RHOH: variants seen among roughly 807,000 people sequenced by gnomAD.
RHOH encodes the protein rho-related GTP-binding protein RhoH.
A neutral mutation model predicts 13.8 loss-of-function variants in RHOH; 6 were observed. That is an observed-to-expected ratio of 0.44 (90% CI 0.24 to 0.86). RHOH has a LOEUF of 0.86. Ranked by LOEUF, RHOH falls within the 40% of genes least tolerant of loss-of-function variation. RHOH has a pLI of 0.24. For missense variants in RHOH, 147 were observed against 244.5 expected (o/e 0.60, Z 2.66); for synonymous variants, 117 against 103.0 (o/e 1.14, Z -0.82).
At position 40,242,816 on chromosome 4, in the gene RHOH, CTT is replaced by C. The variant is rs1729410320; in HGVS notation, c.-227_-226del. The C allele has an allele frequency of 6.6e-6, 1 of 152,444 alleles. No individual in the cohort carries two copies. The highest frequency in any genetic ancestry group is 2.1e-4 in the South Asian group (1 of 4,838). The allele number at this position is 152,444 out of a possible 1,614,324, so 9.4% of individuals were successfully genotyped here. ...AAGCCGACAGAGAGCTGTTTGGAAACTTCTCCTTCACACACCAGGTTGCTACT... is the reference window on the plus strand; with the variant it reads ...AAGCCGACAGAGAGCTGTTTGGAAACCTCCTTCACACACCAGGTTGCTACT... On this transcript the variant is annotated 5_prime_UTR_variant, in exon 2 of 3. Transcript: ENST00000381799.
At chr4:40,239,571 G>A (rs1729000362) in intron 1 of RHOH, among the ~76,000 whole-genome samples, 1 of 152,128 alleles carries the variant, frequency 6.6e-6, no homozygotes, top group Non-Finnish European at 1.5e-5. Context: ...TTTATATTAT[G>A]CACCTGCTAA....
rs533785663 is a variant in RHOH, at chr4:40,232,975, G to A, written c.-330-9739G>A. Reference sequence around the variant, plus strand: ...ATGCTCCCTCTCCTGTGTGTCTGTAGTACTGGTTCATATCATCATCATCAT... The same window carrying A: ...ATGCTCCCTCTCCTGTGTGTCTGTAATACTGGTTCATATCATCATCATCAT... On this transcript the variant is annotated intron_variant, in intron 1 of 2. Coordinates refer to ENST00000381799, the MANE Select transcript of RHOH (RefSeq NM_004310.5). Among the ~76,000 whole-genome samples the A allele has an allele frequency of 2.6e-5, 4 of 152,242 alleles. No homozygotes were observed. In the South Asian group the frequency reaches 6.2e-4, roughly 24 times the overall value.
rs757065652 is a variant in RHOH, at chr4:40,243,566, C to T, written c.180C>T (p.Ala60=). ...TCAGCCTGGGCCTCTGGGACACAGC[C>T]GGCAATGACGCCTTCAGAAGCATCC... The part of the protein sequence containing the change: ...IQISLGLWDT[A]GNDAFRSIRP... Residue 60 remains alanine (A), a synonymous_variant, in exon 3 of 3, where the codon GCC becomes GCT. Transcript: ENST00000381799. The surrounding 1 kb of genome is among the most constrained non-coding windows in gnomAD (Gnocchi z 6.2). 7.4e-6 allele frequency: 12 copies of T among 1,614,020 alleles called. No homozygotes were observed. Among genetic ancestry groups the T allele is most frequent in the Middle Eastern group, 1.6e-4 (1 of 6,084 alleles).
chr4:40,224,349 G>A (rs540457963), intron 1 of RHOH, among the ~76,000 whole-genome samples: 1 of 152,294 alleles, frequency 6.6e-6, no homozygotes, highest in Admixed American at 6.5e-5. Flanking sequence ...GAATAATGTA[G>A]CAATGGAAAT....
At position 40,242,018 on chromosome 4, in the gene RHOH, A is replaced by C. The variant is rs118140376; in HGVS notation, c.-330-696A>C. ...ATTGCCCTGCATGACACATGTCAGG[A>C]AGATCGCCAGGGAGGGGAGGTTACA... On this transcript the variant is annotated intron_variant, in intron 1 of 2. Transcript: ENST00000381799. Among the ~76,000 whole-genome samples the C allele has an allele frequency of 5.9e-5, 9 of 152,376 alleles. No individual in the cohort carries two copies. In the East Asian group the frequency reaches 1.7e-3, roughly 29 times the overall value.
At chr4:40,192,425 T>C (rs1220000829), upstream of RHOH, among the ~76,000 whole-genome samples, 1 of 152,190 alleles carries the variant, frequency 6.6e-6, no homozygotes, top group Non-Finnish European at 1.5e-5. Flanking sequence ...TGAAATAATT[T>C]AGTAGATGAC....
At chr4:40,191,207 C>T (rs1207495562), upstream of RHOH, 1 of 152,172 alleles carries the variant, frequency 6.6e-6, no homozygotes, top group Non-Finnish European at 1.5e-5. Context: ...TTTTAAACTC[C>T]TCCTCTGGAC....
chr4:40,198,680 A>T (rs1176594127), intron 1 of RHOH, among the ~76,000 whole-genome samples: 1 of 152,020 alleles, frequency 6.6e-6, no homozygotes, highest in African/African-American at 2.4e-5. Flanking sequence ...TACCAGTAAG[A>T]CCTCCACCTC....
chr4:40,220,769 T>A (rs1343987474), intron 1 of RHOH, among the ~76,000 whole-genome samples: 3 of 152,230 alleles, frequency 2.0e-5, no homozygotes, highest in Non-Finnish European at 4.4e-5. Flanking sequence ...ATTTGAAATG[T>A]CATGTTAATA....
At chr4:40,232,304 A>G (rs926143444) in intron 1 of RHOH, among the ~76,000 whole-genome samples, 2 of 152,046 alleles carry the variant, frequency 1.3e-5, no homozygotes, top group Non-Finnish European at 2.9e-5. Flanking sequence ...GGCTTACTGC[A>G]GCTTCAGCTT....
chr4:40,207,462 A>G (rs937333950), intron 1 of RHOH, among the ~76,000 whole-genome samples: 5 of 152,278 alleles, frequency 3.3e-5, no homozygotes, highest in South Asian at 2.1e-4. Flanking sequence ...TTCTAGAGCT[A>G]TGAAAACACA....
intron 1 of RHOH, among the ~76,000 whole-genome samples, chr4:40,210,328 G>C (rs4974973): frequency 0.54 from 82,365 of 152,076 alleles, 24,814 homozygotes; most frequent in Non-Finnish European, 0.66. Context: ...CTGCGTTTCC[G>C]GCCCTGGGCC....
At position 40,229,527 on chromosome 4, in the gene RHOH, G is replaced by A. The variant is rs552219274; in HGVS notation, c.-330-13187G>A. ...CACATGCCTGTAGTCTGAGCTACTC[G>A]GGAGGCTGAGGCAGGAGAATCGCTT... is the stretch of plus-strand genomic sequence containing the variant. On this transcript the variant is annotated intron_variant, in intron 1 of 2. Transcript: ENST00000381799. 3.6e-3 allele frequency among the ~76,000 whole-genome samples: 548 copies of A among 151,808 alleles called. 9 individuals are homozygous for A. Among genetic ancestry groups the A allele is most frequent in the African/African-American group, 0.013 (520 of 41,390 alleles).
chr4:40,206,102 T>G (rs1173186304), intron 1 of RHOH, among the ~76,000 whole-genome samples: 2 of 152,226 alleles, frequency 1.3e-5, no homozygotes, highest in African/African-American at 4.8e-5. Context: ...TCCTCTTACC[T>G]CCTGGAGATT....
At chr4:40,205,921 C>T (rs1348871266) in intron 1 of RHOH, 1 of 152,192 alleles carries the variant, frequency 6.6e-6, no homozygotes, top group Non-Finnish European at 1.5e-5. Flanking sequence ...CAAATATGTT[C>T]CAGTAATCAG....
intron 1 of RHOH, among the ~76,000 whole-genome samples, chr4:40,220,339 C>A (rs1307615743): frequency 6.6e-6 from 1 of 150,816 alleles, no homozygotes. Context: ...TGGCATTTTG[C>A]ATTTACCTTT....
intron 1 of RHOH, among the ~76,000 whole-genome samples, chr4:40,242,477 T>C (rs1025569764): frequency 4.6e-5 from 7 of 152,184 alleles, no homozygotes; most frequent in African/African-American, 1.7e-4. Context: ...CAAAGCCATG[T>C]GTAGGTGACA....
At position 40,244,842 on chromosome 4, in the gene RHOH, G is replaced by T. The variant is rs941838851; in HGVS notation, c.*880G>T. On this transcript the variant is annotated 3_prime_UTR_variant, in exon 3 of 3. Coordinates refer to ENST00000381799, the MANE Select transcript of RHOH (RefSeq NM_004310.5). ...CTGGTAGGGTGGTTCCCAGGCGACT[G>T]CAGGTCCTGTGAAAGACAGGGGTCT... 2.4e-5 allele frequency: 4 copies of T among 170,022 alleles called. No individual in the cohort carries two copies. Among genetic ancestry groups the T allele is most frequent in the African/African-American group, 9.5e-5 (4 of 41,984 alleles). 10.5% of individuals were successfully genotyped at this position (170,022 alleles called of 1,614,324 possible). A position where few individuals can be genotyped will look rare whatever the true frequency, so the allele number is the denominator to read the frequency against.
At chr4:40,201,988 T>G (rs1402108955) in intron 1 of RHOH, among the ~76,000 whole-genome samples, 1 of 151,076 alleles carries the variant, frequency 6.6e-6, no homozygotes, top group Non-Finnish European at 1.5e-5. Flanking sequence ...GGTCTTGTTT[T>G]GTCACCCAGG....
Sources: gnomAD v4.1 joint callset for allele counts (sites outside exome capture counted in the v4.1 genomes callset) on GRCh38, gnomAD v4.1.1 for gene constraint, Gnocchi (gnomAD v3.1) non-coding constraint, MANE v1.5 for transcripts, NCBI Gene and HGNC (gene_info 2026-07-23, HGNC 2026-07-21) for gene names.